The following PIK3CB variants were observed in gnomAD, a reference collection of about 807,000 sequenced individuals.
PIK3CB encodes phosphatidylinositol-4,5-bisphosphate 3-kinase catalytic subunit beta, also known as phosphatidylinositol 4,5-bisphosphate 3-kinase catalytic subunit beta isoform.
Under a neutral mutation model 136.8 loss-of-function variants are expected in PIK3CB, and 39 were observed. That is an observed-to-expected ratio of 0.29 (90% CI 0.22 to 0.37). The LOEUF is 0.37. Ranked by LOEUF, PIK3CB falls within the 10% of genes least tolerant of loss-of-function variation. The pLI is 1.00. For missense variants in PIK3CB, 868 were observed against 1,275.4 expected, an observed-to-expected ratio of 0.68 and a Z score of 4.87; for synonymous variants, 428 against 436.6, an observed-to-expected ratio of 0.98 and a Z score of 0.25.
At chr3:138,729,719 G>T (rs2044928927) in intron 8 of PIK3CB, among the ~76,000 whole-genome samples, 2 of 152,110 alleles carry the variant, frequency 1.3e-5, no homozygotes. Context: ...ATTCAGACTG[G>T]AACTCAACCA....
chr3:138,696,181 C>CTTTT (rs200970812), intron 13 of PIK3CB, among the ~76,000 whole-genome samples: 1 of 139,310 alleles, frequency 7.2e-6, no homozygotes, highest in African/African-American at 2.6e-5. Context: ...AAATTTTAAC[C>CTTTT]TTTTTTTTTT....
intron 8 of PIK3CB, 60 bp from the exon 9 acceptor site, chr3:138,714,779 C>T: frequency 2.9e-6 from 4 of 1,397,398 alleles, no homozygotes; most frequent in Non-Finnish European, 3.9e-6. Context: ...CGAAAAACAT[C>T]TCTTTTTGTT....
At chr3:138,738,633 A>G (rs1285182456) in intron 5 of PIK3CB, among the ~76,000 whole-genome samples, 1 of 152,216 alleles carries the variant, frequency 6.6e-6, no homozygotes, top group Non-Finnish European at 1.5e-5. Context: ...ATCAATTAAA[A>G]ATGAAGATAT....
At chr3:138,812,457 G>C (rs1334498013) in intron 1 of PIK3CB, among the ~76,000 whole-genome samples, 1 of 151,528 alleles carries the variant, frequency 6.6e-6, no homozygotes, top group Non-Finnish European at 1.5e-5. Context: ...AACTGGTCTT[G>C]AACTCCTGAT....
intron 8 of PIK3CB, among the ~76,000 whole-genome samples, chr3:138,715,156 GTTTC>G (rs1194455144): frequency 1.3e-5 from 2 of 152,158 alleles, no homozygotes; most frequent in African/African-American, 2.4e-5. Context: ...TGGCTCCAAA[GTTTC>G]TTTCTACTTC....
At chr3:138,693,942 T>A (rs1252801810) in intron 14 of PIK3CB, among the ~76,000 whole-genome samples, 73 of 30,054 alleles carry the variant, frequency 2.4e-3, no homozygotes, top group African/African-American at 0.018. Flanking sequence ...TTAAAATATA[T>A]ATATATATAT....
chr3:138,671,575 T>G (rs1432185823), intron 19 of PIK3CB, among the ~76,000 whole-genome samples: 1 of 152,230 alleles, frequency 6.6e-6, no homozygotes, highest in Non-Finnish European at 1.5e-5. Flanking sequence ...AAGTTAGACT[T>G]GGCTGACATT....
chr3:138,693,191 T>A (rs1248869214), intron 14 of PIK3CB, among the ~76,000 whole-genome samples: 1 of 152,030 alleles, frequency 6.6e-6, no homozygotes, highest in Non-Finnish European at 1.5e-5. Flanking sequence ...CCTCCAGGGC[T>A]CAAGTGATCC....
intron 6 of PIK3CB, 43 bp downstream of exon 6, chr3:138,737,664 T>TATATAC (rs779385953): frequency 2.3e-4 from 180 of 771,144 alleles, no homozygotes; most frequent in African/African-American, 1.2e-3. Context: ...TATATATATA[T>TATATAC]ACTCATAGAC....
chr3:138,807,993 A>G (rs2046252851), intron 1 of PIK3CB, among the ~76,000 whole-genome samples: 2 of 151,974 alleles, frequency 1.3e-5, no homozygotes. Context: ...TTTTTTTAAA[A>G]ACACAATTAA....
chr3:138,695,931 A>ATTTTTTTTTTT (rs34470924), intron 13 of PIK3CB, among the ~76,000 whole-genome samples: 64 of 90,714 alleles, frequency 7.1e-4, no homozygotes, highest in East Asian at 1.3e-3. Context: ...AATTTTTTGT[A>ATTTTTTTTTTT]TTTTTTTTTT....
intron 11 of PIK3CB, among the ~76,000 whole-genome samples, chr3:138,705,907 C>T (rs556517180): frequency 6.6e-6 from 1 of 152,286 alleles, no homozygotes; most frequent in Admixed American, 6.5e-5. Flanking sequence ...CACATGCCAC[C>T]ACACCCAGCT....
intron 1 of PIK3CB, among the ~76,000 whole-genome samples, chr3:138,810,093 A>G (rs1932943056): frequency 6.6e-6 from 1 of 152,230 alleles, no homozygotes; most frequent in South Asian, 2.1e-4. Flanking sequence ...AGAGCTCCCA[A>G]TGGCCAAAGC....
intron 1 of PIK3CB, among the ~76,000 whole-genome samples, chr3:138,830,839 T>C (rs1933996133): frequency 2.1e-5 from 3 of 144,898 alleles, no homozygotes; most frequent in Non-Finnish European, 4.5e-5. Flanking sequence ...GAGGCGGAGC[T>C]TGCGGTAAGC....
At chr3:138,759,901 G>A (rs746705126) in intron 2 of PIK3CB, among the ~76,000 whole-genome samples, 1 of 151,906 alleles carries the variant, frequency 6.6e-6, no homozygotes, top group Non-Finnish European at 1.5e-5. Context: ...TTGCAATCAA[G>A]AGGGCCCTTT....
intron 4 of PIK3CB, among the ~76,000 whole-genome samples, chr3:138,751,747 G>A (rs1361365704): frequency 6.6e-6 from 1 of 152,028 alleles, no homozygotes; most frequent in Non-Finnish European, 1.5e-5. Context: ...AAGGTAGGCA[G>A]ATCGCTTGAG....
chr3:138,815,456 A>T (rs1328747438), intron 1 of PIK3CB, among the ~76,000 whole-genome samples: 1 of 149,958 alleles, frequency 6.7e-6, no homozygotes, highest in Non-Finnish European at 1.5e-5. Context: ...AAAGAGAATT[A>T]AAAAAAGATT....
At chr3:138,813,653 G>A (rs886834710) in intron 1 of PIK3CB, among the ~76,000 whole-genome samples, 3 of 151,942 alleles carry the variant, frequency 2.0e-5, no homozygotes, top group South Asian at 2.1e-4. Flanking sequence ...TCCTGACCTC[G>A]TGATCTGCCC....
chr3:138,742,919 G>T, intron 4 of PIK3CB, 138 bp from the exon 5 acceptor site: 1 of 494,588 alleles, frequency 2.0e-6, no homozygotes, highest in Non-Finnish European at 3.6e-6. Context: ...AAACTAGGGA[G>T]GAAAATACCA....
Sources: gnomAD v4.1 joint callset for allele counts (sites outside exome capture counted in the v4.1 genomes callset) on GRCh38, gnomAD v4.1.1 for gene constraint, MANE v1.5 for transcripts, NCBI Gene and HGNC (gene_info 2026-07-23, HGNC 2026-07-21) for gene names.